The following MYRF variants were observed in gnomAD, a reference collection of about 807,000 sequenced individuals.
MYRF encodes the protein myelin gene regulatory factor.
Under a neutral mutation model 126.3 loss-of-function variants are expected in MYRF, and 16 were observed. The observed-to-expected ratio is 0.13, with a 90% CI of 0.09 to 0.19. The LOEUF is 0.19. MYRF is among the 10% of genes least tolerant of loss of function. The probability of loss-of-function intolerance (pLI) is 1.00; values close to 1 mark genes in which losing one functional copy is unlikely to be tolerated. For synonymous variants in MYRF, 608 were observed against 635.3 expected, an observed-to-expected ratio of 0.96 and a Z score of 0.65; for missense variants, 1,104 against 1,547.0, an observed-to-expected ratio of 0.71 and a Z score of 4.80.
intron 5 of MYRF, 42 bp from the exon 6 acceptor site, chr11:61,771,457 CG>C: frequency 1.9e-6 from 3 of 1,584,428 alleles, no homozygotes; most frequent in Non-Finnish European, 2.6e-6. Flanking sequence ...GGGAGGGGCT[CG>C]GGGAGAGCCA....
chr11:61,765,274 C>T (rs548294702), intron 1 of MYRF, among the ~76,000 whole-genome samples: 3 of 152,364 alleles, frequency 2.0e-5, no homozygotes, highest in Admixed American at 1.3e-4. Flanking sequence ...GACAGAGGCA[C>T]AGTGACCCCA....
rs775491121 is a variant in MYRF, at chr11:61,786,192, A to AC, written c.*55dup. The AC allele has an allele frequency of 3.9e-6, 6 of 1,529,260 alleles. No individual in the cohort carries two copies. The highest frequency in any genetic ancestry group is 3.6e-6 in the Non-Finnish European group (4 of 1,116,874). The allele number at this position is 1,529,260 out of a possible 1,614,324, so 94.7% of individuals were successfully genotyped here. On this transcript the variant is annotated 3_prime_UTR_variant, in exon 27 of 27. Coordinates refer to ENST00000278836, the MANE Select transcript of MYRF (RefSeq NM_001127392.3). This position sits in a 1 kb window ranked among gnomAD's most constrained non-coding sequence, Gnocchi z 4.5. ...CACCAGGGACCAGGGGTGCCCAGGC[A>AC]CCCCCCAACACTGGATGCAATGGTG...
intron 1 of MYRF, among the ~76,000 whole-genome samples, chr11:61,756,669 G>A (rs1238250899): frequency 1.4e-5 from 2 of 139,302 alleles, no homozygotes; most frequent in African/African-American, 5.4e-5. Context: ...ACAACAATGG[G>A]TATGTGAACA....
chr11:61,781,653 T>G lies in MYRF; in HGVS notation c.2845T>G (p.Ser949Ala), dbSNP rs370916547. 1 of 1,613,804 alleles carries G rather than the reference T, an allele frequency of 6.2e-7. No homozygotes were observed. The highest frequency in any genetic ancestry group is 1.7e-5 in the Admixed American group (1 of 60,030). ...WGLSVNGIGH[S>A]KHHKSLEPLA... ...TCTTTCAGTCAATGGCATTGGCCAC[T>G]CCAAGCATCACAAGAGTCTGGAGCC... The change falls in exon 22 of 27, where the codon TCC becomes GCC. Residue 949 changes from serine to alanine, a missense_variant. Ser to Ala is a moderately conservative substitution (Grantham distance 99). Around this residue, in one of 10 missense-constraint regions of MYRF, gnomAD observed 323 missense variants for 383.1 expected, o/e 0.84. Coordinates refer to ENST00000278836, the MANE Select transcript of MYRF (RefSeq NM_001127392.3).
chr11:61,779,937 T>A lies in MYRF; in HGVS notation c.2336+7T>A. The A allele has an allele frequency of 6.2e-7, 1 of 1,611,382 alleles. No individual in the cohort carries two copies. Among genetic ancestry groups the A allele is most frequent in the Non-Finnish European group, 8.5e-7 (1 of 1,177,996 alleles). On this transcript the variant is annotated splice_region_variant and intron_variant, in intron 17 of 26. Transcript: ENST00000278836. ...TGGTGGTCATGGCCTTCAGGTGACT[T>A]GTCCCCTGGGCTCTCATGGTGGCTG...
At chr11:61,759,172 G>A (rs2065840123) in intron 1 of MYRF, among the ~76,000 whole-genome samples, 1 of 152,242 alleles carries the variant, frequency 6.6e-6, no homozygotes, top group East Asian at 1.9e-4. Context: ...GGCACCTGGT[G>A]GCCTGCCTGC....
At chr11:61,774,826 C>T (rs945012156) in intron 8 of MYRF, among the ~76,000 whole-genome samples, 1 of 152,050 alleles carries the variant, frequency 6.6e-6, no homozygotes, top group Non-Finnish European at 1.5e-5. Flanking sequence ...CCTCTCGCCC[C>T]GTTTCCTGCT....
chr11:61,754,834 G>A (rs1284049518), intron 1 of MYRF, among the ~76,000 whole-genome samples: 1 of 152,200 alleles, frequency 6.6e-6, no homozygotes, highest in Non-Finnish European at 1.5e-5. Flanking sequence ...GGGGGAAGGT[G>A]TGGGTGGCCC....
In MYRF at chr11:61,777,842, A is replaced by G; in HGVS notation, c.1900A>G (p.Thr634Ala). 1 of 1,551,476 alleles carries G rather than the reference A, an allele frequency of 6.4e-7. No homozygotes were observed. Among genetic ancestry groups the G allele is most frequent in the Non-Finnish European group, 8.7e-7 (1 of 1,147,020 alleles). Residue 634 changes from threonine to alanine, a missense_variant, in exon 13 of 27, where the codon ACA becomes GCA. Physicochemically the swap from Thr to Ala is moderately conservative, Grantham distance 58. Transcript: ENST00000278836. The surrounding 1 kb of genome is among the most constrained non-coding windows in gnomAD (Gnocchi z 8.8). ...SAGIEATAPETGVIAQEVKEI... is the reference protein window; with the variant it reads ...SAGIEATAPEAGVIAQEVKEI... ...GGGCATCGAGGCCACCGCGCCAGAGACAGGTAGGGACCGGGCTGGTGCGGA... is the reference window on the plus strand; with the variant it reads ...GGGCATCGAGGCCACCGCGCCAGAGGCAGGTAGGGACCGGGCTGGTGCGGA...
chr11:61,777,621 T>A lies in MYRF; in HGVS notation c.1792-113T>A. The stretch of plus-strand genomic sequence containing the variant: ...TCGAATCCCGATCTAACCACTCCAG[T>A]GGTGGGGTCTCCTCTCCACACTGCA... On this transcript the variant is annotated intron_variant, in intron 12 of 26. Transcript: ENST00000278836. This position sits in a 1 kb window ranked among gnomAD's most constrained non-coding sequence, Gnocchi z 8.8. 7.7e-7 allele frequency: 1 copy of A among 1,303,218 alleles called. No individual in the cohort carries two copies. Among genetic ancestry groups the A allele is most frequent in the Non-Finnish European group, 1.1e-6 (1 of 938,844 alleles). The allele number at this position is 1,303,218 out of a possible 1,614,324, so 80.7% of individuals were successfully genotyped here. A position where few individuals can be genotyped will look rare whatever the true frequency, so the allele number is the denominator to read the frequency against.
rs1196873152 is a variant in MYRF, at chr11:61,786,999, C to T, written c.*856C>T. The T allele has an allele frequency of 6.5e-6, 1 of 152,718 alleles. No homozygotes were observed. Among genetic ancestry groups the T allele is most frequent in the African/African-American group, 2.4e-5 (1 of 41,458 alleles). 9.5% of individuals were successfully genotyped at this position (152,718 alleles called of 1,614,324 possible). Reference sequence around the variant, plus strand: ...GTATTGCAGCTTCACTGCCTGCGTTCCTGGGAGCGTCTGGAGCTCACAGTG... The same window carrying T: ...GTATTGCAGCTTCACTGCCTGCGTTTCTGGGAGCGTCTGGAGCTCACAGTG... On this transcript the variant is annotated 3_prime_UTR_variant, in exon 27 of 27. Coordinates refer to ENST00000278836, the MANE Select transcript of MYRF (RefSeq NM_001127392.3). This position sits in a 1 kb window ranked among gnomAD's most constrained non-coding sequence, Gnocchi z 4.5.
intron 1 of MYRF, among the ~76,000 whole-genome samples, chr11:61,761,474 G>A (rs1306453643): frequency 6.6e-6 from 1 of 152,206 alleles, no homozygotes; most frequent in Non-Finnish European, 1.5e-5. Flanking sequence ...AGCCTGCCTG[G>A]GAAGGGGCAG....
Position 61,780,032 on chromosome 11 carries a change from T to G in MYRF, c.2336+102T>G, listed in dbSNP as rs144189389. 7.9e-6 allele frequency: 10 copies of G among 1,266,710 alleles called. No individual in the cohort carries two copies. The East Asian group carries it at 2.0e-4, about 25-fold the overall frequency. The allele number at this position is 1,266,710 out of a possible 1,614,324, so 78.5% of individuals were successfully genotyped here. Reference sequence around the variant, plus strand: ...TCAGGCCTGGGGGAAGAGGAGGATGTAGCTTGGGAGATCAGGCAGCTGAGG... The same window carrying G: ...TCAGGCCTGGGGGAAGAGGAGGATGGAGCTTGGGAGATCAGGCAGCTGAGG... On this transcript the variant is annotated intron_variant, in intron 17 of 26. Coordinates refer to ENST00000278836, the MANE Select transcript of MYRF (RefSeq NM_001127392.3).
rs1030712358 is a variant in MYRF, at chr11:61,757,289, G to A, written c.46+4499G>A. The A allele has an allele frequency of 6.6e-6, 3 of 456,512 alleles. No individual in the cohort carries two copies. The highest frequency in any genetic ancestry group is 1.5e-5 in the South Asian group (1 of 64,566). 28.3% of individuals were successfully genotyped at this position (456,512 alleles called of 1,614,324 possible). The stretch of plus-strand genomic sequence containing the variant: ...TCGCCAGCGAGGGCAGCTGGGGTCT[G>A]TTCCTAGCTCTCCTGCTTACCCACA... On this transcript the variant is annotated intron_variant, in intron 1 of 26. Transcript: ENST00000278836. This position sits in a 1 kb window ranked among gnomAD's most constrained non-coding sequence, Gnocchi z 4.7.
intron 7 of MYRF, 31 bp downstream of exon 7, chr11:61,771,983 C>A: frequency 6.2e-7 from 1 of 1,611,396 alleles, no homozygotes; most frequent in Non-Finnish European, 8.5e-7. Context: ...CCCACTCCTC[C>A]AGGCCCCCCC....
Position 61,785,821 on chromosome 11 carries a change from A to G in MYRF, c.3322A>G (p.Ile1108Val), listed in dbSNP as rs544155791. Reference protein sequence around the residue: ...DTQGTSHRWPITILSFREFTY... With the variant: ...DTQGTSHRWPVTILSFREFTY... ...CCAGGGCACCTCTCACCGGTGGCCA[A>G]TAACCATCCTGTCCTTCCGTGAATT... The change falls in exon 26 of 27, where the codon ATA becomes GTA. Residue 1108 changes from isoleucine to valine, a missense_variant. Physicochemically the swap from Ile to Val is conservative, Grantham distance 29 (BLOSUM62 3). Around this residue, in one of 10 missense-constraint regions of MYRF, gnomAD observed 94 missense variants for 164.6 expected, o/e 0.57. Transcript: ENST00000278836. The G allele has an allele frequency of 1.9e-4, 303 of 1,614,130 alleles. 3 individuals are homozygous for G. The South Asian group carries it at 3.0e-3, about 16-fold the overall frequency.
chr11:61,755,634 C>G lies in MYRF; in HGVS notation c.46+2844C>G, dbSNP rs564235176. 337 of 743,770 alleles carry G rather than the reference C, an allele frequency of 4.5e-4. No homozygotes were observed. The highest frequency in any genetic ancestry group is 7.5e-4 in the Non-Finnish European group (307 of 411,626). 46.1% of individuals were successfully genotyped at this position (743,770 alleles called of 1,614,324 possible). The stretch of plus-strand genomic sequence containing the variant: ...GCCCTCTTTAAGTCCTTTTTCCTCA[C>G]CTGCAAGACAGGAGGGGGTGGCAGA... On this transcript the variant is annotated intron_variant, in intron 1 of 26. Coordinates refer to ENST00000278836, the MANE Select transcript of MYRF (RefSeq NM_001127392.3).
chr11:61,783,246 T>G lies in MYRF; in HGVS notation c.3017-252T>G. Reference sequence around the variant, plus strand: ...GCTCCTGCACACCTGGCAGGGGATGTGAAGACCCATCCCTACTTCTGGGTG... The same window carrying G: ...GCTCCTGCACACCTGGCAGGGGATGGGAAGACCCATCCCTACTTCTGGGTG... On this transcript the variant is annotated intron_variant, in intron 22 of 26. Transcript: ENST00000278836. This position sits in a 1 kb window ranked among gnomAD's most constrained non-coding sequence, Gnocchi z 4.6. The G allele has an allele frequency of 2.6e-6, 1 of 386,226 alleles. No individual in the cohort carries two copies. The highest frequency in any genetic ancestry group is 4.8e-6 in the Non-Finnish European group (1 of 208,376). 23.9% of individuals were successfully genotyped at this position (386,226 alleles called of 1,614,324 possible). A position where few individuals can be genotyped will look rare whatever the true frequency, so the allele number is the denominator to read the frequency against.
At position 61,786,108 on chromosome 11, in the gene MYRF, G is replaced by C. The variant is rs778013767; in HGVS notation, c.3421G>C (p.Asp1141His). Residue 1141 changes from aspartate to histidine, a missense_variant, in exon 27 of 27, where the codon GAC becomes CAC. Transcript: ENST00000278836. The surrounding 1 kb of genome is among the most constrained non-coding windows in gnomAD (Gnocchi z 4.5). ...AGAGGCTCTCGCCCAGCCAGCCACAGACTACCACTTCCACTTCTACCGCCT... is the reference window on the plus strand; with the variant it reads ...AGAGGCTCTCGCCCAGCCAGCCACACACTACCACTTCCACTTCTACCGCCT... ...SSEALAQPAT[D>H]YHFHFYRLCD The C allele has an allele frequency of 1.9e-6, 3 of 1,614,094 alleles. No homozygotes were observed. In the African/African-American group the frequency reaches 4.0e-5, roughly 22 times the overall value.
Sources: gnomAD v4.1 joint callset for allele counts (sites outside exome capture counted in the v4.1 genomes callset) on GRCh38, gnomAD v4.1.1 for gene constraint, gnomAD v4.1.1 regional missense constraint, Gnocchi (gnomAD v3.1) non-coding constraint, MANE v1.5 for transcripts, NCBI Gene and HGNC (gene_info 2026-07-23, HGNC 2026-07-21) for gene names.